Variants in ARHGAP31 observed in about 807,000 individuals in gnomAD.
The protein encoded by ARHGAP31 is rho GTPase-activating protein 31.
ARHGAP31 carries 34 observed loss-of-function variants against 113.9 expected under a neutral mutation model. The observed-to-expected ratio is 0.30, with a 90% CI of 0.23 to 0.40. The LOEUF is 0.40. Among genes scored for constraint, ARHGAP31 ranks in the 10% least tolerant of loss-of-function variants. ARHGAP31 has a pLI of 1.00. For missense variants in ARHGAP31, 1,548 were observed against 1,767.1 expected, an observed-to-expected ratio of 0.88 and a Z score of 2.22; for synonymous variants, 650 against 684.8, an observed-to-expected ratio of 0.95 and a Z score of 0.79.
intron 2 of ARHGAP31, among the ~76,000 whole-genome samples, chr3:119,366,580 G>C (rs2080253880): frequency 6.6e-6 from 1 of 152,084 alleles, no homozygotes; most frequent in Non-Finnish European, 1.5e-5. Flanking sequence ...TTAGTGGTTG[G>C]AAATATACCA....
intron 1 of ARHGAP31, among the ~76,000 whole-genome samples, chr3:119,358,320 T>TAGGG (rs2080176630): frequency 6.6e-6 from 1 of 152,128 alleles, no homozygotes; most frequent in African/African-American, 2.4e-5. Context: ...TCACAACTAC[T>TAGGG]AGGATGACAA....
chr3:119,365,517 CT>C, intron 2 of ARHGAP31, 99 bp downstream of exon 2: 1 of 1,056,906 alleles, frequency 9.5e-7, no homozygotes, highest in East Asian at 2.5e-5. Flanking sequence ...CCCAAAGGAA[CT>C]GAGGGAAGTG....
At chr3:119,364,025 T>C (rs2080232500) in intron 1 of ARHGAP31, among the ~76,000 whole-genome samples, 2 of 152,134 alleles carry the variant, frequency 1.3e-5, no homozygotes, top group South Asian at 4.1e-4. Context: ...GCTCTCTCTG[T>C]ACCATCCAGA....
At chr3:119,392,351 G>A (rs899649162) in intron 7 of ARHGAP31, among the ~76,000 whole-genome samples, 4 of 152,220 alleles carry the variant, frequency 2.6e-5, no homozygotes, top group African/African-American at 9.7e-5. Context: ...GGGAGGCCGA[G>A]GCAGGAGGAT....
chr3:119,388,324 ATG>A, intron 6 of ARHGAP31, among the ~76,000 whole-genome samples: 1 of 149,340 alleles, frequency 6.7e-6, no homozygotes, highest in South Asian at 2.1e-4. Context: ...ATATATATAT[ATG>A]TACACATTTT....
At position 119,409,481 on chromosome 3, in the gene ARHGAP31, T is replaced by C. The variant is rs1217281454; in HGVS notation, c.1646-15T>C. ...TGAAGTCTCCTTTAACTGATAACTC[T>C]CATTTTCACTGCAGCTTCTGTACCT... On this transcript the variant is annotated splice_polypyrimidine_tract_variant and intron_variant, in intron 10 of 11. Transcript: ENST00000264245. 1 of 1,613,996 alleles carries C rather than the reference T, an allele frequency of 6.2e-7. No individual in the cohort carries two copies.
At chr3:119,316,540 C>T (rs1251545215) in intron 1 of ARHGAP31, among the ~76,000 whole-genome samples, 2 of 152,224 alleles carry the variant, frequency 1.3e-5, no homozygotes, top group Non-Finnish European at 2.9e-5. Flanking sequence ...GGCCAGCTGC[C>T]TCTTCTCTCT....
chr3:119,408,112 A>T (rs1053572674), intron 10 of ARHGAP31, among the ~76,000 whole-genome samples: 2 of 152,312 alleles, frequency 1.3e-5, no homozygotes, highest in African/African-American at 4.8e-5. Flanking sequence ...AAACAAAAAG[A>T]TGTGCATAGG....
chr3:119,385,232 G>GT (rs113712219), intron 6 of ARHGAP31, among the ~76,000 whole-genome samples: 37,705 of 149,132 alleles, frequency 0.25, 4,906 homozygotes, highest in African/African-American at 0.33. Flanking sequence ...CTAGCTGACT[G>GT]TTTTTTTTTT....
intron 10 of ARHGAP31, 110 bp downstream of exon 10, chr3:119,402,507 G>T: frequency 1.7e-6 from 2 of 1,199,578 alleles, no homozygotes; most frequent in Non-Finnish European, 2.4e-6. Flanking sequence ...GTGGGCTCTA[G>T]AGCCCGATTG....
At chr3:119,369,468 AG>A (rs1435218807) in intron 3 of ARHGAP31, among the ~76,000 whole-genome samples, 1 of 152,192 alleles carries the variant, frequency 6.6e-6, no homozygotes, top group Non-Finnish European at 1.5e-5. Context: ...GACTATGGCG[AG>A]GTTACAGTTT....
At chr3:119,354,251 G>A (rs1276586849) in intron 1 of ARHGAP31, among the ~76,000 whole-genome samples, 1 of 152,194 alleles carries the variant, frequency 6.6e-6, no homozygotes, top group Non-Finnish European at 1.5e-5. Context: ...AAGGACTTCA[G>A]CAAACATTTA....
intron 1 of ARHGAP31, among the ~76,000 whole-genome samples, chr3:119,352,320 A>T (rs977490564): frequency 6.6e-6 from 1 of 152,130 alleles, no homozygotes; most frequent in African/African-American, 2.4e-5. Flanking sequence ...ACACACCCAG[A>T]GGCACCCTGT....
In ARHGAP31 at chr3:119,415,387, A is replaced by G. The variant is rs184040818; in HGVS notation, c.3458A>G (p.Asp1153Gly). ...TWMTSSYCKA[D>G]PWRVYSQDPQ... ...ATGACCTCATCTTACTGTAAAGCAG[A>G]CCCCTGGAGGGTTTACTCCCAGGAC... The change falls in exon 12 of 12, where the codon GAC becomes GGC. Residue 1153 changes from aspartate to glycine, a missense_variant. By Grantham distance (94) the Asp-to-Gly change is moderately conservative. Transcript: ENST00000264245. 3.5e-4 allele frequency: 567 copies of G among 1,613,822 alleles called. No individual in the cohort carries two copies. The African/African-American group carries it at 5.6e-3, about 16-fold the overall frequency.
At chr3:119,331,442 A>T (rs1265123354) in intron 1 of ARHGAP31, among the ~76,000 whole-genome samples, 4 of 152,358 alleles carry the variant, frequency 2.6e-5, no homozygotes, top group East Asian at 3.9e-4. Flanking sequence ...CTTTAAATTT[A>T]AAAATACTTT....
intron 3 of ARHGAP31, among the ~76,000 whole-genome samples, chr3:119,370,441 A>C (rs2080288712): frequency 1.3e-5 from 2 of 152,206 alleles, no homozygotes; most frequent in African/African-American, 4.8e-5. Context: ...ATTTTATTGC[A>C]AAAATTAAAG....
intron 1 of ARHGAP31, among the ~76,000 whole-genome samples, chr3:119,358,875 T>C (rs1032507723): frequency 2.6e-4 from 39 of 152,192 alleles, no homozygotes; most frequent in Non-Finnish European, 2.1e-4. Context: ...TGGATATGGG[T>C]TCCTTTCTTG....
rs182192303 is a variant in ARHGAP31 at position 119,410,464 on chromosome 3, G to T, written c.1926+688G>T. Among the ~76,000 whole-genome samples the T allele has an allele frequency of 1.3e-3, 195 of 152,334 alleles. 2 individuals are homozygous for T. Among genetic ancestry groups the T allele is most frequent in the African/African-American group, 4.5e-3 (189 of 41,580 alleles). ...CCTTTGAACTTGCTTCCAGAGTCTT[G>T]ATTTTCAGGACGTGCACAAAAGAAC... On this transcript the variant is annotated intron_variant, in intron 11 of 11. Transcript: ENST00000264245.
intron 4 of ARHGAP31, 115 bp downstream of exon 4, chr3:119,381,101 C>A: frequency 9.6e-7 from 1 of 1,038,244 alleles, no homozygotes; most frequent in Non-Finnish European, 1.5e-6. Flanking sequence ...TTTAGGCTTT[C>A]CCAAGGGCAT....
Sources: allele counts gnomAD v4.1 joint callset (sites outside exome capture counted in the v4.1 genomes callset), GRCh38; gene constraint gnomAD v4.1.1; transcripts MANE v1.5; gene names NCBI Gene and HGNC (gene_info 2026-07-23, HGNC 2026-07-21).